Variants in GSE1 observed in about 807,000 individuals in gnomAD.
GSE1 encodes the protein genetic suppressor element 1.
A neutral mutation model predicts 112.6 loss-of-function variants in GSE1; 32 were observed. That is an observed-to-expected ratio of 0.28 (90% CI 0.21 to 0.38). The LOEUF (loss-of-function observed/expected upper bound fraction) is 0.38, where lower values mean the gene tolerates loss of function less well. Among genes scored for constraint, GSE1 ranks in the 10% least tolerant of loss-of-function variants. The pLI is 1.00. For synonymous variants in GSE1, 1,115 were observed against 735.6 expected (o/e 1.52, Z -8.35); for missense variants, 2,348 against 1,699.2 (o/e 1.38, Z -6.71).
At chr16:85,613,074 G>A (rs2048098570), upstream of GSE1, 1 of 561,040 alleles carries the variant, frequency 1.8e-6, no homozygotes, top group Middle Eastern at 5.4e-4. Flanking sequence ...GTGTGCCTGG[G>A]CGGGTGGATC....
intron 1 of GSE1, among the ~76,000 whole-genome samples, chr16:85,569,089 A>G (rs868429452): frequency 6.6e-6 from 1 of 152,142 alleles, no homozygotes; most frequent in Non-Finnish European, 1.5e-5. Flanking sequence ...TTGAAATAGT[A>G]AGTTTGCATT....
At chr16:85,664,767 C>T (rs990660186) in intron 11 of GSE1, 8 of 422,312 alleles carry the variant, frequency 1.9e-5, no homozygotes, top group Admixed American at 1.6e-4. Context: ...TTCACAGAGG[C>T]GTCGTCACCG....
chr16:85,215,628 G>A (rs2075295372), intron 1 of GSE1, among the ~76,000 whole-genome samples: 1 of 152,206 alleles, frequency 6.6e-6, no homozygotes, highest in Admixed American at 6.5e-5. Flanking sequence ...TGTTAGAGAA[G>A]TGCCTGACAC....
chr16:85,589,699 T>TTG (rs150693269), intron 1 of GSE1, among the ~76,000 whole-genome samples: 6 of 151,980 alleles, frequency 3.9e-5, no homozygotes, highest in Admixed American at 2.6e-4. Flanking sequence ...ACGTGAGATA[T>TTG]TGTGTGTGTG....
intron 2 of GSE1, among the ~76,000 whole-genome samples, chr16:85,430,742 A>G (rs557626242): frequency 2.6e-5 from 4 of 152,294 alleles, no homozygotes; most frequent in African/African-American, 9.6e-5. Flanking sequence ...CGCTGGGGAA[A>G]TCCTGACGTA....
chr16:85,219,028 T>C (rs1218697678), intron 1 of GSE1, among the ~76,000 whole-genome samples: 2 of 152,112 alleles, frequency 1.3e-5, no homozygotes, highest in Non-Finnish European at 2.9e-5. Context: ...TACAGGTGCC[T>C]GCCACCACGA....
Position 85,648,702 on chromosome 16 carries a change from T to A in GSE1, c.377T>A (p.Ile126Asn). The change falls in exon 3 of 16, where the codon ATC becomes AAC. Residue 126 changes from isoleucine to asparagine, a missense_variant. Physicochemically the swap from Ile to Asn is moderately radical, Grantham distance 149. Transcript: ENST00000253458. ...CCCAGCACCCCCCCCGTGGTGACCA[T>A]CGCTCCAACCAAAACCGTGAATGGT... Reference protein sequence around the residue: ...SVPSTPPVVTIAPTKTVNGVW... With the variant: ...SVPSTPPVVTNAPTKTVNGVW... 6.2e-7 allele frequency: 1 copy of A among 1,608,298 alleles called. No individual in the cohort carries two copies.
chr16:85,471,535 C>A (rs1053949781), intron 2 of GSE1, among the ~76,000 whole-genome samples: 1 of 152,088 alleles, frequency 6.6e-6, no homozygotes, highest in Non-Finnish European at 1.5e-5. Flanking sequence ...ACCTCAGCCT[C>A]CCAGAGTAGC....
chr16:85,338,827 C>A (rs924069796), intron 1 of GSE1, among the ~76,000 whole-genome samples: 2 of 152,098 alleles, frequency 1.3e-5, no homozygotes, highest in African/African-American at 2.4e-5. Flanking sequence ...CGAGTCAGTG[C>A]GTGAAGCAGG....
chr16:85,249,925 G>A (rs1174702622), intron 1 of GSE1, among the ~76,000 whole-genome samples: 1 of 152,266 alleles, frequency 6.6e-6, no homozygotes, highest in South Asian at 2.1e-4. Flanking sequence ...GGCCGAGAGC[G>A]ATGCCAGCTG....
intron 2 of GSE1, among the ~76,000 whole-genome samples, chr16:85,644,006 G>T (rs979951465): frequency 6.6e-6 from 1 of 152,092 alleles, no homozygotes; most frequent in African/African-American, 2.4e-5. Context: ...CTGGGTTTGG[G>T]CCGGGTGCAC....
chr16:85,253,526 G>A (rs1409511552), intron 1 of GSE1, among the ~76,000 whole-genome samples: 1 of 152,202 alleles, frequency 6.6e-6, no homozygotes, highest in Non-Finnish European at 1.5e-5. Context: ...CCTGTAGGCT[G>A]GTTTCTGGGT....
intron 2 of GSE1, among the ~76,000 whole-genome samples, chr16:85,428,144 G>C (rs1175213144): frequency 6.6e-6 from 1 of 152,154 alleles, no homozygotes; most frequent in Non-Finnish European, 1.5e-5. Flanking sequence ...GCCCACCCTT[G>C]TCTCTTTGAG....
intron 1 of GSE1, among the ~76,000 whole-genome samples, chr16:85,323,069 A>C (rs1597390095): frequency 2.0e-5 from 3 of 151,964 alleles, no homozygotes; most frequent in Admixed American, 2.0e-4. Context: ...TTTGGAAGGG[A>C]AAACAGAACA....
intron 1 of GSE1, among the ~76,000 whole-genome samples, chr16:85,598,819 G>A (rs550229198): frequency 3.3e-5 from 5 of 152,340 alleles, no homozygotes; most frequent in Non-Finnish European, 7.4e-5. Context: ...CCCCTCGTCC[G>A]TTCTGCAGCC....
At chr16:85,508,391 C>G (rs1027919227) in intron 2 of GSE1, among the ~76,000 whole-genome samples, 3 of 152,204 alleles carry the variant, frequency 2.0e-5, no homozygotes, top group Non-Finnish European at 4.4e-5. Context: ...CAGGTAGCTT[C>G]TACCTAGCCC....
chr16:85,221,610 C>G (rs868618279), intron 1 of GSE1, among the ~76,000 whole-genome samples: 2 of 152,206 alleles, frequency 1.3e-5, no homozygotes, highest in African/African-American at 4.8e-5. Flanking sequence ...CCAGGGCTGC[C>G]CCTACCCACA....
In GSE1 at chr16:85,500,996, C is replaced by CTGTTTT. The variant is rs1567540332; in HGVS notation, c.2465-132916_2465-132911dup. On this transcript the variant is annotated intron_variant, in intron 2 of 2. Coordinates refer to the GSE1 transcript ENST00000637419. ...CCACCCTACTCCAGTATGGCCTGTT[C>CTGTTTT]TGTTTTTTTTTTTTTTTTTTTTTTT... is the stretch of plus-strand genomic sequence containing the variant. Among the ~76,000 whole-genome samples, 4 of 90,334 alleles carry CTGTTTT rather than the reference C, an allele frequency of 4.4e-5. 1 individual carries two copies. The highest frequency in any genetic ancestry group is 1.9e-4 in the African/African-American group (4 of 21,610). 59.3% of individuals were successfully genotyped at this position (90,334 alleles called of 152,430 possible).
intron 2 of GSE1, among the ~76,000 whole-genome samples, chr16:85,417,253 C>T (rs2048723526): frequency 6.6e-6 from 1 of 152,224 alleles, no homozygotes; most frequent in African/African-American, 2.4e-5. Flanking sequence ...CCAGCCTCAA[C>T]CCCACTAGAT....
Sources: gnomAD v4.1 joint callset for allele counts (sites outside exome capture counted in the v4.1 genomes callset) on GRCh38, gnomAD v4.1.1 for gene constraint, MANE v1.5 for transcripts, NCBI Gene and HGNC (gene_info 2026-07-23, HGNC 2026-07-21) for gene names.